MECOM: variants seen among roughly 807,000 people sequenced by gnomAD.
MECOM encodes the protein MDS1 and EVI1 complex locus, also known as histone-lysine N-methyltransferase MECOM.
In MECOM, 13 loss-of-function variants were observed where a neutral mutation model predicts 116.3. The observed-to-expected ratio is 0.11, with a 90% confidence interval of 0.07 to 0.18. The LOEUF is 0.18. MECOM is among the 10% of genes least tolerant of loss of function. MECOM has a pLI of 1.00. For synonymous variants in MECOM, 528 were observed against 535.2 expected, an observed-to-expected ratio of 0.99 and a Z score of 0.19; for missense variants, 1,299 against 1,509.0, an observed-to-expected ratio of 0.86 and a Z score of 2.31.
At chr3:169,471,182 G>T (rs1749169185) in intron 1 of MECOM, among the ~76,000 whole-genome samples, 1 of 152,036 alleles carries the variant, frequency 6.6e-6, no homozygotes, top group Admixed American at 6.6e-5. Context: ...TGTAGAGATA[G>T]GGTTTAGCCA....
intron 1 of MECOM, among the ~76,000 whole-genome samples, chr3:169,594,449 G>A (rs1766883477): frequency 6.6e-6 from 1 of 151,972 alleles, no homozygotes; most frequent in Non-Finnish European, 1.5e-5. Flanking sequence ...CAAATTCTTA[G>A]GCCCCAGCTC....
At chr3:169,376,535 A>T (rs963686737) in intron 2 of MECOM, among the ~76,000 whole-genome samples, 7 of 152,176 alleles carry the variant, frequency 4.6e-5, no homozygotes, top group African/African-American at 1.7e-4. Flanking sequence ...TACACCAATA[A>T]TAGACAAACA....
intron 2 of MECOM, among the ~76,000 whole-genome samples, chr3:169,269,795 T>C (rs1758718061): frequency 6.6e-6 from 1 of 152,216 alleles, no homozygotes; most frequent in Admixed American, 6.5e-5. Flanking sequence ...AAGCTAATTA[T>C]TTTAGTTCTT....
intron 1 of MECOM, among the ~76,000 whole-genome samples, chr3:169,631,915 C>G (rs1772145808): frequency 6.6e-6 from 1 of 152,118 alleles, no homozygotes; most frequent in Admixed American, 6.5e-5. Flanking sequence ...TGACATGGAA[C>G]TACAAGGCTG....
chr3:169,191,766 G>GAAAA (rs1321261855), intron 2 of MECOM, among the ~76,000 whole-genome samples: 2 of 133,288 alleles, frequency 1.5e-5, no homozygotes, highest in East Asian at 6.5e-4. Flanking sequence ...AAGAAAGAAA[G>GAAAA]AAAGAAAGAA....
chr3:169,485,974 A>ATATATG (rs1752242089), intron 1 of MECOM, among the ~76,000 whole-genome samples: 1 of 45,826 alleles, frequency 2.2e-5, no homozygotes, highest in East Asian at 6.3e-4. Flanking sequence ...CTATATATAC[A>ATATATG]TATATATATA....
chr3:169,552,888 A>G (rs898287808), intron 1 of MECOM, among the ~76,000 whole-genome samples: 34 of 151,960 alleles, frequency 2.2e-4, no homozygotes, highest in Admixed American at 2.2e-3. Flanking sequence ...CTGTAACTAA[A>G]TCATGATACA....
rs1918971 is a variant in MECOM, at chr3:169,433,085, G to T, written c.38-51561C>A. ...CAAGGGTAAGATATAAAAGTTTATAGAAACGGTGAGACCCAATTGTGGAAA... is the reference window on the plus strand; with the variant it reads ...CAAGGGTAAGATATAAAAGTTTATATAAACGGTGAGACCCAATTGTGGAAA... On this transcript the variant is annotated intron_variant, in intron 1 of 16. Coordinates refer to ENST00000651503, the MANE Select transcript of MECOM (RefSeq NM_004991.4). 6.2e-3 allele frequency among the ~76,000 whole-genome samples: 946 copies of T among 152,306 alleles called. 9 individuals are homozygous for T. Among genetic ancestry groups the T allele is most frequent in the African/African-American group, 0.022 (912 of 41,584 alleles).
At chr3:169,411,677 C>T (rs1165359383) in intron 1 of MECOM, among the ~76,000 whole-genome samples, 1 of 152,236 alleles carries the variant, frequency 6.6e-6, no homozygotes, top group Non-Finnish European at 1.5e-5. Flanking sequence ...GCCATCCACA[C>T]CTTACATAAA....
chr3:169,460,832 A>G (rs1747319495), intron 1 of MECOM, among the ~76,000 whole-genome samples: 1 of 152,158 alleles, frequency 6.6e-6, no homozygotes, highest in African/African-American at 2.4e-5. Context: ...GGTGCCACAC[A>G]AGGATTAAAT....
At chr3:169,506,811 TAAG>T (rs1203727283) in intron 1 of MECOM, among the ~76,000 whole-genome samples, 3 of 152,202 alleles carry the variant, frequency 2.0e-5, no homozygotes, top group Admixed American at 6.5e-5. Flanking sequence ...CTCCCAAGGT[TAAG>T]TAGAGTTACT....
chr3:169,439,487 T>G (rs929088132), intron 1 of MECOM, among the ~76,000 whole-genome samples: 61 of 151,838 alleles, frequency 4.0e-4, no homozygotes, highest in Non-Finnish European at 7.8e-4. Flanking sequence ...AGGATTTCAC[T>G]AAATAGGAAA....
chr3:169,399,767 TTTGGAC>T (rs1340976022), intron 1 of MECOM, among the ~76,000 whole-genome samples: 4 of 152,190 alleles, frequency 2.6e-5, no homozygotes, highest in Admixed American at 1.3e-4. Flanking sequence ...GCTTTTTTGT[TTTGGAC>T]TTGAAGATTG....
At chr3:169,275,815 A>G (rs2149667659) in intron 2 of MECOM, among the ~76,000 whole-genome samples, 1 of 152,370 alleles carries the variant, frequency 6.6e-6, no homozygotes, top group Non-Finnish European at 1.5e-5. Flanking sequence ...TAAAGTTGTA[A>G]TAAATTAAGA....
chr3:169,124,600 A>C (rs572767448), intron 5 of MECOM, among the ~76,000 whole-genome samples: 231 of 152,214 alleles, frequency 1.5e-3, no homozygotes, highest in Non-Finnish European at 2.4e-3. Context: ...TATGTTTTTA[A>C]GGAGTCCTTA....
intron 1 of MECOM, among the ~76,000 whole-genome samples, chr3:169,599,021 G>A (rs1370610609): frequency 1.3e-5 from 2 of 152,172 alleles, no homozygotes; most frequent in African/African-American, 4.8e-5. Context: ...CTAAATGCTT[G>A]CACTGGGCCT....
At chr3:169,586,283 C>T (rs73174367) in intron 1 of MECOM, among the ~76,000 whole-genome samples, 9,425 of 152,256 alleles carry the variant, frequency 0.062, 371 homozygotes, top group Non-Finnish European at 0.071. Flanking sequence ...ATAAACCACA[C>T]TCTGCATTCA....
At chr3:169,258,950 C>T (rs1757200433) in intron 2 of MECOM, among the ~76,000 whole-genome samples, 2 of 152,310 alleles carry the variant, frequency 1.3e-5, no homozygotes, top group East Asian at 1.9e-4. Context: ...TTCTGTTTTA[C>T]AGATGAGACT....
At chr3:169,273,350 G>A (rs9820505) in intron 2 of MECOM, among the ~76,000 whole-genome samples, 3,417 of 152,226 alleles carry the variant, frequency 0.022, 151 homozygotes, top group African/African-American at 0.077. Context: ...TGCTGTGTAG[G>A]AGCACTTTAC....
Sources: gnomAD v4.1 joint callset for allele counts (sites outside exome capture counted in the v4.1 genomes callset) on GRCh38, gnomAD v4.1.1 for gene constraint, MANE v1.5 for transcripts, NCBI Gene and HGNC (gene_info 2026-07-23, HGNC 2026-07-21) for gene names.